Variants in GLB1L2 observed in about 807,000 individuals in gnomAD.
GLB1L2 encodes the protein galactosidase beta 1 like 2.
A neutral mutation model predicts 84.1 loss-of-function variants in GLB1L2; 68 were observed. The observed-to-expected ratio is 0.81, with a 90% confidence interval of 0.67 to 0.99. GLB1L2 has a LOEUF of 0.99. Among genes scored for constraint, GLB1L2 ranks in the 50% least tolerant of loss-of-function variants. The pLI is 0.00. For missense variants in GLB1L2, 762 were observed against 805.6 expected, an observed-to-expected ratio of 0.95 and a Z score of 0.66; for synonymous variants, 290 against 318.0, an observed-to-expected ratio of 0.91 and a Z score of 0.94.
intron 5 of GLB1L2, among the ~76,000 whole-genome samples, chr11:134,351,004 A>G (rs949380091): frequency 2.0e-5 from 3 of 152,116 alleles, no homozygotes; most frequent in African/African-American, 4.8e-5. Context: ...TTCCTTTCCA[A>G]CTTGGTTGCC....
chr11:134,346,512 G>C (rs940949361), intron 4 of GLB1L2: 8 of 152,540 alleles, frequency 5.2e-5, no homozygotes, highest in African/African-American at 1.9e-4. Flanking sequence ...TGAGTGAGAA[G>C]GCTAACCTGT....
chr11:134,347,427 A>T lies in GLB1L2; in HGVS notation c.552A>T (p.Pro184=), dbSNP rs1435572106. 3 of 1,608,030 alleles carry T rather than the reference A, an allele frequency of 1.9e-6. No homozygotes were observed. The highest frequency in any genetic ancestry group is 2.6e-6 in the Non-Finnish European group (3 of 1,174,800). The change falls in exon 5 of 19, where the codon CCA becomes CCT. Residue 184 remains proline, a synonymous_variant. Coordinates refer to ENST00000535456, the MANE Select transcript of GLB1L2 (RefSeq NM_001370461.1). Reference sequence around the variant, plus strand: ...ACCACCTGATGTCCAGGGTGGTGCCACTCCAGGTACAAGCAAATGGGGTCT... The same window carrying T: ...ACCACCTGATGTCCAGGGTGGTGCCTCTCCAGGTACAAGCAAATGGGGTCT... The part of the protein sequence containing the change: ...YFDHLMSRVV[P]LQYKRGGPII...
At position 134,375,036 on chromosome 11, in the gene GLB1L2, GCAGGAA is replaced by G. The variant is rs778777581; in HGVS notation, c.1891_1896del (p.Arg631_Asn632del). The G allele has an allele frequency of 6.2e-7, 1 of 1,613,794 alleles. No individual in the cohort carries two copies. The highest frequency in any genetic ancestry group is 1.1e-5 in the South Asian group (1 of 90,998). ...CAGTTCACGGAAACCCCCCACCTGG[GCAGGAA>G]CCAGTACATTAAGTGAGCGGTGGCA... On this transcript the variant is annotated inframe_deletion, in exon 19 of 19. Coordinates refer to ENST00000535456, the MANE Select transcript of GLB1L2 (RefSeq NM_001370461.1).
chr11:134,350,371 C>T (rs1250912647), intron 5 of GLB1L2, among the ~76,000 whole-genome samples: 3 of 152,208 alleles, frequency 2.0e-5, no homozygotes, highest in Non-Finnish European at 4.4e-5. Context: ...TGGCTGAGCT[C>T]AGCATGGCTT....
rs1944002184 is a variant in GLB1L2, at chr11:134,374,677, CT to C, written c.1786del (p.Tyr596ThrfsTer7). ...CTGGAACATTGGACCCCAGAAGACG[CT>C]TTACCTCCCAGGTCCCTGGTTGAGC... is the stretch of plus-strand genomic sequence containing the variant. ...RYWNIGPQKT[L>X]YLPGPWLSSG... On this transcript the variant is annotated frameshift_variant, in exon 18 of 19. Coordinates refer to ENST00000535456, the MANE Select transcript of GLB1L2 (RefSeq NM_001370461.1). LOFTEE classifies it high-confidence loss of function. 5 of 1,614,030 alleles carry C rather than the reference CT, an allele frequency of 3.1e-6. No homozygotes were observed. The East Asian group carries it at 1.1e-4, about 36-fold the overall frequency.
At position 134,370,417 on chromosome 11, in the gene GLB1L2, T is replaced by A. The variant is rs745851497; in HGVS notation, c.1215+18T>A. 2.1e-5 allele frequency: 33 copies of A among 1,591,338 alleles called. No homozygotes were observed. Among genetic ancestry groups the A allele is most frequent in the Admixed American group, 3.3e-5 (2 of 59,870 alleles). On this transcript the variant is annotated intron_variant, in intron 12 of 18. Transcript: ENST00000535456. This position sits in a 1 kb window ranked among gnomAD's most constrained non-coding sequence, Gnocchi z 4.7. ...TGGGGGAGGTGAGTGCTGTGGGCAG[T>A]CATCGGGAGGTGAGTGAGTGCCGGG...
chr11:134,338,056 C>T lies in GLB1L2; in HGVS notation c.87-4698C>T, dbSNP rs1943412366. Among the ~76,000 whole-genome samples, 1 of 152,202 alleles carries T rather than the reference C, an allele frequency of 6.6e-6. No individual in the cohort carries two copies. The highest frequency in any genetic ancestry group is 2.1e-4 in the South Asian group (1 of 4,830). ...TGACTCAGATACCAGCTTGCGTATG[C>T]TGGTGGCCAGCCTCGGACTGCGTGA... is the stretch of plus-strand genomic sequence containing the variant. On this transcript the variant is annotated intron_variant, in intron 1 of 18. Coordinates refer to ENST00000535456, the MANE Select transcript of GLB1L2 (RefSeq NM_001370461.1). This position sits in a 1 kb window ranked among gnomAD's most constrained non-coding sequence, Gnocchi z 6.2.
At chr11:134,332,200 C>G in intron 1 of GLB1L2, 53 bp downstream of exon 1, 2 of 1,301,958 alleles carry the variant, frequency 1.5e-6, no homozygotes. Context: ...CCCAGCCCTC[C>G]GCACCTCGGG....
In GLB1L2 at chr11:134,375,457, G is replaced by T; in HGVS notation, c.*399G>T. On this transcript the variant is annotated 3_prime_UTR_variant, in exon 19 of 19. Transcript: ENST00000535456. ...CTCTTTGCTGGTTCCTGGGAGGCTT[G>T]GCCACATCCCTCATGGCCCCATTTT... 1 of 180,070 alleles carries T rather than the reference G, an allele frequency of 5.6e-6. No homozygotes were observed. The highest frequency in any genetic ancestry group is 1.1e-5 in the Non-Finnish European group (1 of 87,326). 11.2% of individuals were successfully genotyped at this position (180,070 alleles called of 1,614,324 possible). A position where few individuals can be genotyped will look rare whatever the true frequency, so the allele number is the denominator to read the frequency against.
Position 134,364,373 on chromosome 11 carries a change from T to C in GLB1L2, c.779T>C (p.Leu260Pro). The change falls in exon 8 of 19, where the codon CTG becomes CCG. Residue 260 changes from leucine (L) to proline (P), a missense_variant. Leu to Pro is a moderately conservative substitution (Grantham distance 98). Coordinates refer to ENST00000535456, the MANE Select transcript of GLB1L2 (RefSeq NM_001370461.1). ...NLQSTHELQL[L>P]TTFLFNVQGT... ...CAGTCAACACACGAGCTGCAGCTAC[T>C]GACCACCTTTCTCTTCAACGTCCAG... 6.2e-7 allele frequency: 1 copy of C among 1,614,114 alleles called. No homozygotes were observed. Among genetic ancestry groups the C allele is most frequent in the Non-Finnish European group, 8.5e-7 (1 of 1,179,946 alleles).
At chr11:134,369,694 C>G in intron 10 of GLB1L2, 111 bp from the exon 11 acceptor site, 1 of 854,356 alleles carries the variant, frequency 1.2e-6, no homozygotes, top group Non-Finnish European at 1.8e-6. Flanking sequence ...TCTTGCCTCC[C>G]CAATGGCTGA....
intron 10 of GLB1L2, among the ~76,000 whole-genome samples, chr11:134,369,455 A>G (rs903929899): frequency 6.9e-6 from 1 of 143,934 alleles, no homozygotes; most frequent in Non-Finnish European, 1.5e-5. Flanking sequence ...TTGGCCTCCC[A>G]AAGTGCTGGG....
rs1012703678 is a variant in GLB1L2 at position 134,334,048 on chromosome 11, G to C, written c.86+1901G>C. ...TTGGGCTGGACACCAGTGAGTATGAGTTGCTGTAATATCTCTGGAGGCAGG... is the reference window on the plus strand; with the variant it reads ...TTGGGCTGGACACCAGTGAGTATGACTTGCTGTAATATCTCTGGAGGCAGG... On this transcript the variant is annotated intron_variant, in intron 1 of 18. Coordinates refer to ENST00000535456, the MANE Select transcript of GLB1L2 (RefSeq NM_001370461.1). The surrounding 1 kb of genome is among the most constrained non-coding windows in gnomAD (Gnocchi z 4.1). 6.6e-6 allele frequency among the ~76,000 whole-genome samples: 1 copy of C among 152,124 alleles called. No individual in the cohort carries two copies.
rs537634223 is a variant in GLB1L2 at position 134,342,642 on chromosome 11, C to T, written c.87-112C>T. On this transcript the variant is annotated intron_variant, in intron 1 of 18. Transcript: ENST00000535456. ...GCGGAGGGGAGCTTTTCCCAGCCAC[C>T]TGGACGCAGGCGCCCTCGAGAGAGA... 3.6e-4 allele frequency: 395 copies of T among 1,095,748 alleles called. 1 individual carries two copies. The highest frequency in any genetic ancestry group is 3.5e-3 in the South Asian group (222 of 64,262). The allele number at this position is 1,095,748 out of a possible 1,614,324, so 67.9% of individuals were successfully genotyped here.
chr11:134,343,041 G>A, intron 2 of GLB1L2, 90 bp downstream of exon 2: 1 of 1,370,194 alleles, frequency 7.3e-7, no homozygotes, highest in Non-Finnish European at 9.9e-7. Context: ...AACCGGCCCA[G>A]GTCCTCTGCC....
At chr11:134,351,345 C>CTTTTTTTTTTT (rs367790049) in intron 5 of GLB1L2, among the ~76,000 whole-genome samples, 3 of 129,134 alleles carry the variant, frequency 2.3e-5, no homozygotes, top group Non-Finnish European at 3.2e-5. Context: ...CTTTTTCTTT[C>CTTTTTTTTTTT]TTTTTTTTTT....
chr11:134,342,659 C>CGA, intron 1 of GLB1L2, 95 bp from the exon 2 acceptor site: 1 of 1,271,766 alleles, frequency 7.9e-7, no homozygotes, highest in Non-Finnish European at 1.1e-6. Context: ...CAGGCGCCCT[C>CGA]GAGAGAGAAA....
Position 134,370,920 on chromosome 11 carries a change from C to G in GLB1L2, c.1216-88C>G, listed in dbSNP as rs1050861312. On this transcript the variant is annotated intron_variant, in intron 12 of 18. Transcript: ENST00000535456. This position sits in a 1 kb window ranked among gnomAD's most constrained non-coding sequence, Gnocchi z 4.7. Reference sequence around the variant, plus strand: ...GAAAACACCCACCAAACCTCCGCTTCCACCCCATGTGCCAGCCCCCAGGCA... The same window carrying G: ...GAAAACACCCACCAAACCTCCGCTTGCACCCCATGTGCCAGCCCCCAGGCA... 6.8e-7 allele frequency: 1 copy of G among 1,473,106 alleles called. No individual in the cohort carries two copies. The allele number at this position is 1,473,106 out of a possible 1,614,324, so 91.3% of individuals were successfully genotyped here.
chr11:134,343,854 C>T (rs1031766381), intron 2 of GLB1L2, among the ~76,000 whole-genome samples: 24 of 152,304 alleles, frequency 1.6e-4, no homozygotes, highest in Admixed American at 1.0e-3. Flanking sequence ...AGAGGCTCTG[C>T]GAAAGCCAGC....
Sources: gnomAD v4.1 joint callset for allele counts (sites outside exome capture counted in the v4.1 genomes callset) on GRCh38, gnomAD v4.1.1 for gene constraint, Gnocchi (gnomAD v3.1) non-coding constraint, MANE v1.5 for transcripts, NCBI Gene and HGNC (gene_info 2026-07-23, HGNC 2026-07-21) for gene names.